Variants in PLXDC1 observed in about 807,000 individuals in gnomAD.
PLXDC1 encodes plexin domain-containing protein 1.
A neutral mutation model predicts 61.3 loss-of-function variants in PLXDC1; 39 were observed. That is an observed-to-expected ratio of 0.64 (90% CI 0.49 to 0.83). PLXDC1 has a LOEUF of 0.83. PLXDC1 is among the 40% of genes least tolerant of loss of function. PLXDC1 has a pLI of 0.00. For missense variants in PLXDC1, 596 were observed against 666.5 expected (o/e 0.89, Z 1.17); for synonymous variants, 212 against 254.5 (o/e 0.83, Z 1.59).
intron 8 of PLXDC1, among the ~76,000 whole-genome samples, chr17:39,085,894 G>T (rs929133774): frequency 1.5e-4 from 22 of 150,656 alleles, no homozygotes; most frequent in Non-Finnish European, 3.0e-4. Flanking sequence ...CTTTCCCAGT[G>T]ACTTTGGAGG....
chr17:39,144,194 C>T (rs1264438042), intron 1 of PLXDC1, among the ~76,000 whole-genome samples: 3 of 152,176 alleles, frequency 2.0e-5, no homozygotes, highest in Admixed American at 6.5e-5. Context: ...CCTCCACACC[C>T]AGTCTTGCCA....
intron 7 of PLXDC1, among the ~76,000 whole-genome samples, chr17:39,104,431 TA>T (rs550980624): frequency 0.011 from 1,675 of 149,070 alleles, 52 homozygotes; most frequent in Non-Finnish European, 9.4e-3. Context: ...TCCTTCAGAT[TA>T]AAAAAAAAAT....
intron 2 of PLXDC1, among the ~76,000 whole-genome samples, chr17:39,112,614 T>TGCCCA (rs944765536): frequency 6.6e-6 from 1 of 151,980 alleles, no homozygotes; most frequent in African/African-American, 2.4e-5. Flanking sequence ...TGCGCCACCA[T>TGCCCA]GCCCAGCCCA....
intron 11 of PLXDC1, among the ~76,000 whole-genome samples, chr17:39,076,077 G>GAAAAAAAAAAAAAA (rs71352340): frequency 1.2e-5 from 1 of 82,398 alleles, no homozygotes; most frequent in East Asian, 3.1e-4. Context: ...GACTAAGTCT[G>GAAAAAAAAAAAAAA]AAAAAAAAAA....
At chr17:39,147,725 T>C (rs74917737) in intron 1 of PLXDC1, among the ~76,000 whole-genome samples, 3,617 of 152,118 alleles carry the variant, frequency 0.024, 156 homozygotes, top group African/African-American at 0.083. Flanking sequence ...CAGCTCTCTA[T>C]GTGTGTCCCT....
At chr17:39,138,750 C>T (rs71369717) in intron 2 of PLXDC1, among the ~76,000 whole-genome samples, 3,193 of 151,574 alleles carry the variant, frequency 0.021, 109 homozygotes, top group African/African-American at 0.073. Context: ...TCAGCACATA[C>T]TAATTTAAGA....
intron 2 of PLXDC1, among the ~76,000 whole-genome samples, chr17:39,132,587 C>G (rs910357341): frequency 1.3e-4 from 20 of 152,184 alleles, no homozygotes; most frequent in African/African-American, 4.6e-4. Flanking sequence ...AGGCTAGACG[C>G]CTCGAGGCCT....
At chr17:39,100,752 TCAACACAGGCGTTTAC>T (rs1416305970) in intron 7 of PLXDC1, among the ~76,000 whole-genome samples, 1 of 152,228 alleles carries the variant, frequency 6.6e-6, no homozygotes, top group African/African-American at 2.4e-5. Context: ...AACAACTGGC[TCAACACAGGCGTTTAC>T]CAACCAGTCA....
intron 7 of PLXDC1, among the ~76,000 whole-genome samples, chr17:39,095,254 GGAACTATATCTCTAATT>G (rs925817799): frequency 6.6e-6 from 1 of 151,744 alleles, no homozygotes; most frequent in Non-Finnish European, 1.5e-5. Context: ...GGTGGGGGGT[GGAACTATATCTCTAATT>G]GAAACTATTT....
chr17:39,147,842 G>A (rs1657149287), intron 1 of PLXDC1, among the ~76,000 whole-genome samples: 1 of 152,120 alleles, frequency 6.6e-6, no homozygotes, highest in Non-Finnish European at 1.5e-5. Context: ...CTGGGTGCTG[G>A]GGGGACACAA....
At chr17:39,147,788 C>A (rs1015915517) in intron 1 of PLXDC1, among the ~76,000 whole-genome samples, 2 of 152,184 alleles carry the variant, frequency 1.3e-5, no homozygotes, top group Admixed American at 6.5e-5. Flanking sequence ...CTCAGTCACT[C>A]ACTCATTCAT....
intron 7 of PLXDC1, among the ~76,000 whole-genome samples, chr17:39,098,234 C>T (rs936286352): frequency 6.9e-6 from 1 of 145,552 alleles, no homozygotes. Flanking sequence ...AAAAAAAATC[C>T]GTATACAATT....
At chr17:39,090,428 C>T (rs940900881) in intron 7 of PLXDC1, among the ~76,000 whole-genome samples, 12 of 152,146 alleles carry the variant, frequency 7.9e-5, no homozygotes, top group Admixed American at 3.9e-4. Flanking sequence ...TGCTCCAGGC[C>T]GAGTGGAAAG....
intron 7 of PLXDC1, among the ~76,000 whole-genome samples, chr17:39,097,774 C>T (rs1310252478): frequency 2.0e-5 from 3 of 151,632 alleles, no homozygotes; most frequent in Non-Finnish European, 2.9e-5. Flanking sequence ...TGGTGGTACA[C>T]ATCTATAGTC....
chr17:39,085,524 G>C (rs1319027841), intron 8 of PLXDC1, among the ~76,000 whole-genome samples: 1 of 152,174 alleles, frequency 6.6e-6, no homozygotes, highest in African/African-American at 2.4e-5. Flanking sequence ...ACAGTGAGAG[G>C]TCTGGGTTTG....
intron 7 of PLXDC1, among the ~76,000 whole-genome samples, chr17:39,093,136 C>T (rs974228119): frequency 2.0e-5 from 3 of 152,204 alleles, no homozygotes; most frequent in African/African-American, 4.8e-5. Context: ...GGTGCAATCA[C>T]GGCTCACTGC....
intron 2 of PLXDC1, among the ~76,000 whole-genome samples, chr17:39,109,878 C>T (rs1177285589): frequency 1.3e-5 from 2 of 152,200 alleles, no homozygotes; most frequent in African/African-American, 2.4e-5. Context: ...CGCGGTGGCT[C>T]GCGCCTGTAA....
Position 39,151,606 on chromosome 17 carries a change from G to A in PLXDC1, c.-169C>T. On this transcript the variant is annotated 5_prime_UTR_variant, in exon 1 of 14. Coordinates refer to ENST00000315392, the MANE Select transcript of PLXDC1 (RefSeq NM_020405.5). The surrounding 1 kb of genome is among the most constrained non-coding windows in gnomAD (Gnocchi z 5.2). ...GAGCCGGCAGGAGCGGCGAGAGCGC[G>A]AGCGGAGCTGGAGGCTGCGGCCTCC... 1.8e-6 allele frequency: 2 copies of A among 1,137,514 alleles called. No individual in the cohort carries two copies. Among genetic ancestry groups the A allele is most frequent in the Non-Finnish European group, 2.2e-6 (2 of 927,020 alleles). 70.5% of individuals were successfully genotyped at this position (1,137,514 alleles called of 1,614,324 possible). A position where few individuals can be genotyped will look rare whatever the true frequency, so the allele number is the denominator to read the frequency against.
At chr17:39,100,150 G>A (rs1374950537) in intron 7 of PLXDC1, among the ~76,000 whole-genome samples, 2 of 152,094 alleles carry the variant, frequency 1.3e-5, no homozygotes, top group Non-Finnish European at 2.9e-5. Flanking sequence ...CCTGAATCCT[G>A]CCAAACCACA....
Sources: gnomAD v4.1 joint callset for allele counts (sites outside exome capture counted in the v4.1 genomes callset) on GRCh38, gnomAD v4.1.1 for gene constraint, Gnocchi (gnomAD v3.1) non-coding constraint, MANE v1.5 for transcripts, NCBI Gene and HGNC (gene_info 2026-07-23, HGNC 2026-07-21) for gene names.